Variants in ZBTB6 observed in about 807,000 individuals in gnomAD.
The protein encoded by ZBTB6 is zinc finger and BTB domain containing 6.
A neutral mutation model predicts 30.6 loss-of-function variants in ZBTB6; 11 were observed. The observed-to-expected ratio is 0.36, with a 90% CI of 0.23 to 0.60. The LOEUF (loss-of-function observed/expected upper bound fraction) is 0.60. ZBTB6 is among the 20% of genes least tolerant of loss of function. ZBTB6 has a pLI of 0.75. For missense variants in ZBTB6, 380 were observed against 489.4 expected, an observed-to-expected ratio of 0.78 and a Z score of 2.11; for synonymous variants, 174 against 172.0, an observed-to-expected ratio of 1.01 and a Z score of -0.09.
chr9:122,912,016 G>T lies in ZBTB6; in HGVS notation c.57C>A (p.Val19=). The stretch of plus-strand genomic sequence containing the variant: ...GTCTCAAAAGATTCATTTTCTGCAA[G>T]ACCACATCTCCTTGCTGTTCAAACT... ...HFQFEQQGDV[V]LQKMNLLRQQ... is the part of the protein sequence containing the mutation. Residue 19 remains valine (V), a synonymous_variant, in exon 2 of 2, where the codon GTC becomes GTA. Transcript: ENST00000373659. 1.9e-6 allele frequency: 3 copies of T among 1,614,028 alleles called. No homozygotes were observed. The South Asian group carries it at 3.3e-5, about 18-fold the overall frequency.
chr9:122,912,249 T>A (rs987800959), intron 1 of ZBTB6, among the ~76,000 whole-genome samples, 168 bp from the exon 2 acceptor site: 1 of 152,234 alleles, frequency 6.6e-6, no homozygotes, highest in African/African-American at 2.4e-5. Flanking sequence ...AAACGAGAAC[T>A]TTATAATGCA....
intron 1 of ZBTB6, among the ~76,000 whole-genome samples, chr9:122,912,828 A>T (rs1263761340): frequency 6.6e-6 from 1 of 152,162 alleles, no homozygotes; most frequent in Non-Finnish European, 1.5e-5. Flanking sequence ...TACCCAGACA[A>T]AAAGACACGA....
intron 1 of ZBTB6, among the ~76,000 whole-genome samples, chr9:122,912,564 CCA>C (rs1017641521): frequency 2.0e-5 from 3 of 152,172 alleles, no homozygotes; most frequent in Non-Finnish European, 4.4e-5. Flanking sequence ...CTTCTTTATA[CCA>C]CACTCTTCTG....
Position 122,911,770 on chromosome 9 carries a change from C to T in ZBTB6, c.303G>A (p.Leu101=). ...GGTAACTGGCAGCAGTCAAGTATTTCAAAAGCTCTTTCCTTTTAACTTCAA... is the reference window on the plus strand; with the variant it reads ...GGTAACTGGCAGCAGTCAAGTATTTTAAAAGCTCTTTCCTTTTAACTTCAA... ...GALEVKRKEL[L]KYLTAASYLQ... Residue 101 remains leucine (L), a synonymous_variant, in exon 2 of 2, where the codon TTG becomes TTA. Transcript: ENST00000373659. This position sits in a 1 kb window ranked among gnomAD's most constrained non-coding sequence, Gnocchi z 4.5. The T allele has an allele frequency of 6.2e-7, 1 of 1,614,166 alleles. No individual in the cohort carries two copies. The highest frequency in any genetic ancestry group is 1.6e-4 in the Middle Eastern group (1 of 6,062).
At chr9:122,912,117 G>A in intron 1 of ZBTB6, 36 bp from the exon 2 acceptor site, 3 of 1,554,382 alleles carry the variant, frequency 1.9e-6, no homozygotes, top group Non-Finnish European at 2.6e-6. Context: ...GATGTAATAA[G>A]GATAGGGAAT....
rs1025135179 is a variant in ZBTB6 at position 122,909,840 on chromosome 9, G to C, written c.*958C>G. The C allele has an allele frequency of 6.6e-6, 1 of 152,240 alleles. No individual in the cohort carries two copies. The highest frequency in any genetic ancestry group is 2.1e-4 in the South Asian group (1 of 4,832). The allele number at this position is 152,240 out of a possible 1,614,324, so 9.4% of individuals were successfully genotyped here. On this transcript the variant is annotated 3_prime_UTR_variant, in exon 2 of 2. Transcript: ENST00000373659. ...AGAACTGTTGCCAGGATTAGAGCTA[G>C]AAGGAGCTGACTACAAAGGGACAGC...
chr9:122,913,199 T>C, intron 1 of ZBTB6, 52 bp downstream of exon 1: 1 of 961,104 alleles, frequency 1.0e-6, no homozygotes, highest in South Asian at 4.8e-5. Context: ...CTCCTCCTCC[T>C]CCTCTTCCTC....
Position 122,908,096 on chromosome 9 carries a change from G to GT in ZBTB6, c.*2701dup, listed in dbSNP as rs911802456. ...AGTTTATTATTTCTTATGTAAACAT[G>GT]TAAGATAGTTACATCCCAGGAAAAA... On this transcript the variant is annotated 3_prime_UTR_variant, in exon 2 of 2. Transcript: ENST00000373659. 2 of 152,042 alleles carry GT rather than the reference G, an allele frequency of 1.3e-5. No homozygotes were observed. Among genetic ancestry groups the GT allele is most frequent in the Admixed American group, 6.5e-5 (1 of 15,272 alleles). The allele number at this position is 152,042 out of a possible 1,614,324, so 9.4% of individuals were successfully genotyped here. A position where few individuals can be genotyped will look rare whatever the true frequency, so the allele number is the denominator to read the frequency against.
Position 122,910,728 on chromosome 9 carries a change from G to T in ZBTB6, c.*70C>A. On this transcript the variant is annotated 3_prime_UTR_variant, in exon 2 of 2. Coordinates refer to ENST00000373659, the MANE Select transcript of ZBTB6 (RefSeq NM_006626.6). ...ATTGGGGGGATGAAATATTACAAAT[G>T]CTGCATCTCTACAGAAAGACTTGCG... is the stretch of plus-strand genomic sequence containing the variant. 1.5e-6 allele frequency: 2 copies of T among 1,354,950 alleles called. No individual in the cohort carries two copies. The highest frequency in any genetic ancestry group is 2.0e-6 in the Non-Finnish European group (2 of 998,932). 83.9% of individuals were successfully genotyped at this position (1,354,950 alleles called of 1,614,324 possible).
At position 122,908,626 on chromosome 9, in the gene ZBTB6, T is replaced by G. The variant is rs1832924737; in HGVS notation, c.*2172A>C. ...TCCTCCCATCTCCATCCTTCCCCCT[T>G]CCCCCCACGCCATTTTATAATAGGA... On this transcript the variant is annotated 3_prime_UTR_variant, in exon 2 of 2. Transcript: ENST00000373659. 1 of 151,846 alleles carries G rather than the reference T, an allele frequency of 6.6e-6. No homozygotes were observed. Among genetic ancestry groups the G allele is most frequent in the East Asian group, 1.9e-4 (1 of 5,184 alleles). 9.4% of individuals were successfully genotyped at this position (151,846 alleles called of 1,614,324 possible).
At chr9:122,912,984 G>GTGC (rs1832968809) in intron 1 of ZBTB6, among the ~76,000 whole-genome samples, 1 of 152,218 alleles carries the variant, frequency 6.6e-6, no homozygotes. Flanking sequence ...CCGCGAGATG[G>GTGC]TGCCTGATGC....
rs997525013 is a variant in ZBTB6 at position 122,908,914 on chromosome 9, A to G, written c.*1884T>C. On this transcript the variant is annotated 3_prime_UTR_variant, in exon 2 of 2. Transcript: ENST00000373659. ...TTCCCCTCTTCTGTTCTCAGGAAGA[A>G]TTAAATACAAAATCATGGAATTTTA... 2 of 152,226 alleles carry G rather than the reference A, an allele frequency of 1.3e-5. No homozygotes were observed. The highest frequency in any genetic ancestry group is 4.8e-5 in the African/African-American group (2 of 41,460). The allele number at this position is 152,226 out of a possible 1,614,324, so 9.4% of individuals were successfully genotyped here. A position where few individuals can be genotyped will look rare whatever the true frequency, so the allele number is the denominator to read the frequency against.
rs925863122 is a variant in ZBTB6, at chr9:122,908,819, A to G, written c.*1979T>C. 6.6e-6 allele frequency: 1 copy of G among 152,228 alleles called. No homozygotes were observed. Among genetic ancestry groups the G allele is most frequent in the African/African-American group, 2.4e-5 (1 of 41,470 alleles). 9.4% of individuals were successfully genotyped at this position (152,228 alleles called of 1,614,324 possible). On this transcript the variant is annotated 3_prime_UTR_variant, in exon 2 of 2. Transcript: ENST00000373659. ...CAGTGGAAAAAGATCCACTAATTAG[A>G]AAAATTATGTCTCCAATGGAGTACT... is the stretch of plus-strand genomic sequence containing the variant.
rs371579801 is a variant in ZBTB6 at position 122,913,183 on chromosome 9, G to GTCCTCCTCC, written c.-10+59_-10+67dup. 6.1e-5 allele frequency: 55 copies of GTCCTCCTCC among 902,682 alleles called. No homozygotes were observed. The East Asian group carries it at 3.9e-3, about 65-fold the overall frequency. The allele number at this position is 902,682 out of a possible 1,614,324, so 55.9% of individuals were successfully genotyped here. A position where few individuals can be genotyped will look rare whatever the true frequency, so the allele number is the denominator to read the frequency against. ...AGCCACTCCGGGGCCGAGCCCAGCTGTCCTCCTCCTCCTCCTCCTCTTCCT... is the reference window on the plus strand; with the variant it reads ...AGCCACTCCGGGGCCGAGCCCAGCTGTCCTCCTCCTCCTCCTCCTCCTCCTCCTCTTCCT... On this transcript the variant is annotated intron_variant, in intron 1 of 1. Transcript: ENST00000373659.
Position 122,911,060 on chromosome 9 carries a change from TTC to T in ZBTB6, c.1011_1012del (p.Lys338GlufsTer50). The stretch of plus-strand genomic sequence containing the variant: ...TCGGATGTGTCGGTTGAGATTTTTC[TTC>T]TGTGTAAATGTTTTTCCGCACTGTA... On this transcript the variant is annotated frameshift_variant, in exon 2 of 2. Coordinates refer to ENST00000373659, the MANE Select transcript of ZBTB6 (RefSeq NM_006626.6). LOFTEE classifies it high-confidence loss of function. This position sits in a 1 kb window ranked among gnomAD's most constrained non-coding sequence, Gnocchi z 4.5. The T allele has an allele frequency of 5.0e-6, 8 of 1,614,228 alleles. No homozygotes were observed. Among genetic ancestry groups the T allele is most frequent in the Non-Finnish European group, 6.8e-6 (8 of 1,180,042 alleles).
rs1174879065 is a variant in ZBTB6, at chr9:122,910,649, TAGA to T, written c.*146_*148del. On this transcript the variant is annotated 3_prime_UTR_variant, in exon 2 of 2. Coordinates refer to ENST00000373659, the MANE Select transcript of ZBTB6 (RefSeq NM_006626.6). ...GTGCCTCCCATAACTTTGGAACTGTTAGAAGTTCAGAAAGAATGATTATGTGTA... is the reference window on the plus strand; with the variant it reads ...GTGCCTCCCATAACTTTGGAACTGTTAGTTCAGAAAGAATGATTATGTGTA... 6.3e-6 allele frequency: 5 copies of T among 796,236 alleles called. No homozygotes were observed. The Admixed American group carries it at 1.5e-4, about 23-fold the overall frequency. 49.3% of individuals were successfully genotyped at this position (796,236 alleles called of 1,614,324 possible).
chr9:122,911,216 G>A lies in ZBTB6; in HGVS notation c.857C>T (p.Thr286Ile), dbSNP rs373873069. 4 of 1,614,040 alleles carry A rather than the reference G, an allele frequency of 2.5e-6. No homozygotes were observed. Among genetic ancestry groups the A allele is most frequent in the African/African-American group, 1.3e-5 (1 of 74,920 alleles). ...CTCCAGATTCTGAATCTCACTCACT[G>A]TACCATAACTTCCTTCAGTATTCTC... ...FCENTEGSYG[T>I]VSEIQNLEEG... The change falls in exon 2 of 2, where the codon ACA becomes ATA. Residue 286 changes from threonine (T) to isoleucine (I), a missense_variant. Transcript: ENST00000373659. The surrounding 1 kb of genome is among the most constrained non-coding windows in gnomAD (Gnocchi z 4.5).
chr9:122,910,972 G>A lies in ZBTB6; in HGVS notation c.1101C>T (p.Ser367=), dbSNP rs1171128208. ...GTATGTTCAAGTGGTCCTGAAGTGT[G>A]CTTTTGGCAGTAAATGTCTTCAAGC... The part of the protein sequence containing the change: ...TVCLKTFTAK[S]TLQDHLNIHS... The change falls in exon 2 of 2, where the codon AGC becomes AGT. Residue 367 remains serine, a synonymous_variant. Coordinates refer to ENST00000373659, the MANE Select transcript of ZBTB6 (RefSeq NM_006626.6). 1 of 1,614,218 alleles carries A rather than the reference G, an allele frequency of 6.2e-7. No individual in the cohort carries two copies. The highest frequency in any genetic ancestry group is 1.7e-5 in the Admixed American group (1 of 60,028).
chr9:122,909,157 CACTT>C lies in ZBTB6; in HGVS notation c.*1637_*1640del, dbSNP rs1356558228. ...CACAAAATTGTCAAAAAAAGGTTAA[CACTT>C]ATAACAACGAACATGTGATTCATTC... On this transcript the variant is annotated 3_prime_UTR_variant, in exon 2 of 2. Coordinates refer to ENST00000373659, the MANE Select transcript of ZBTB6 (RefSeq NM_006626.6). The C allele has an allele frequency of 6.6e-6, 1 of 152,140 alleles. No homozygotes were observed. The highest frequency in any genetic ancestry group is 2.4e-5 in the African/African-American group (1 of 41,440). 9.4% of individuals were successfully genotyped at this position (152,140 alleles called of 1,614,324 possible).
Sources: gnomAD v4.1 joint callset for allele counts (sites outside exome capture counted in the v4.1 genomes callset) on GRCh38, gnomAD v4.1.1 for gene constraint, Gnocchi (gnomAD v3.1) non-coding constraint, MANE v1.5 for transcripts, NCBI Gene and HGNC (gene_info 2026-07-23, HGNC 2026-07-21) for gene names.